The following SOX6 variants were observed in gnomAD, a reference collection of about 807,000 sequenced individuals.
The protein encoded by SOX6 is SRY-box transcription factor 6, also known as transcription factor SOX-6.
Under a neutral mutation model 97.8 loss-of-function variants are expected in SOX6, and 11 were observed. The observed-to-expected ratio is 0.11, with a 90% CI of 0.07 to 0.19. The LOEUF (loss-of-function observed/expected upper bound fraction) is 0.19, where lower values mean the gene tolerates loss of function less well. Ranked by LOEUF, SOX6 falls within the 10% of genes least tolerant of loss-of-function variation. SOX6 has a pLI of 1.00. For missense variants in SOX6, 810 were observed against 1,039.5 expected (o/e 0.78, Z 3.04); for synonymous variants, 360 against 371.4 (o/e 0.97, Z 0.35).
chr11:16,614,306 G>C (rs966411944), intron 3 of SOX6, among the ~76,000 whole-genome samples: 1 of 152,108 alleles, frequency 6.6e-6, no homozygotes, highest in East Asian at 1.9e-4. Flanking sequence ...TCCACCTTCG[G>C]AACAGTAGAC....
chr11:16,388,917 T>C (rs922148356), intron 1 of SOX6, among the ~76,000 whole-genome samples: 7 of 152,222 alleles, frequency 4.6e-5, no homozygotes, highest in African/African-American at 1.7e-4. Context: ...TTGCCAAATT[T>C]GGGAAATTGA....
intron 1 of SOX6, among the ~76,000 whole-genome samples, chr11:16,410,032 A>G (rs1004818337): frequency 5.9e-5 from 9 of 152,036 alleles, no homozygotes; most frequent in African/African-American, 1.9e-4. Context: ...GAATAGGGAG[A>G]TGTTGGTTAA....
At chr11:16,462,378 C>T (rs565789607) in intron 1 of SOX6, among the ~76,000 whole-genome samples, 2 of 152,330 alleles carry the variant, frequency 1.3e-5, no homozygotes, top group Non-Finnish European at 2.9e-5. Context: ...ATATAGGACA[C>T]TTTAAGTTGT....
chr11:15,996,258 C>G (rs745997914), intron 13 of SOX6, among the ~76,000 whole-genome samples: 2 of 152,158 alleles, frequency 1.3e-5, no homozygotes, highest in Admixed American at 6.5e-5. Context: ...TAATATTTTA[C>G]GTGAAGTGGT....
At chr11:16,161,841 C>T (rs1350413544) in intron 6 of SOX6, among the ~76,000 whole-genome samples, 1 of 152,172 alleles carries the variant, frequency 6.6e-6, no homozygotes, top group East Asian at 1.9e-4. Flanking sequence ...ATTCACTGTT[C>T]CAACATACTA....
At chr11:16,139,958 T>C (rs1448474320) in intron 6 of SOX6, among the ~76,000 whole-genome samples, 1 of 148,102 alleles carries the variant, frequency 6.8e-6, no homozygotes, top group African/African-American at 2.5e-5. Context: ...ATATTATATA[T>C]ATATATATAT....
Position 16,461,257 on chromosome 11 carries a change from C to A in SOX6, c.-5+15058G>T, listed in dbSNP as rs567051131. 5.3e-5 allele frequency among the ~76,000 whole-genome samples: 8 copies of A among 152,138 alleles called. No individual in the cohort carries two copies. The South Asian group carries it at 1.7e-3, about 32-fold the overall frequency. ...AGTCTTATTCATCGCTTGTTTAAAT[C>A]TTTTACCTTTTACCTGAAATTTTGC... On this transcript the variant is annotated intron_variant, in intron 1 of 15. Coordinates refer to the SOX6 transcript ENST00000396356.
chr11:16,193,825 A>C (rs966936258), intron 4 of SOX6, among the ~76,000 whole-genome samples: 4 of 152,226 alleles, frequency 2.6e-5, no homozygotes, highest in Non-Finnish European at 5.9e-5. Flanking sequence ...GTTTTAGAAG[A>C]AAGCCAAAAT....
At position 16,583,953 on chromosome 11, in the gene SOX6, T is replaced by G. The variant is rs962107101; in HGVS notation, n.609+28128A>C. Among the ~76,000 whole-genome samples, 10 of 152,114 alleles carry G rather than the reference T, an allele frequency of 6.6e-5. No individual in the cohort carries two copies. The East Asian group carries it at 1.9e-3, about 29-fold the overall frequency. ...TCTTTTTGATTATAGCCATACTAAC[T>G]GGGGCGAGATAATATCACCTTGTGG... On this transcript the variant is annotated intron_variant and non_coding_transcript_variant, in intron 4 of 5. Coordinates refer to the SOX6 transcript ENST00000524520.
At chr11:16,498,848 A>C (rs1221134602) in intron 4 of SOX6, among the ~76,000 whole-genome samples, 2 of 152,208 alleles carry the variant, frequency 1.3e-5, no homozygotes, top group Non-Finnish European at 2.9e-5. Context: ...AGACTCCCAC[A>C]CAATAATAAT....
intron 11 of SOX6, among the ~76,000 whole-genome samples, chr11:16,049,346 A>G (rs1847624429): frequency 6.6e-6 from 1 of 152,084 alleles, no homozygotes; most frequent in African/African-American, 2.4e-5. Flanking sequence ...TTTTAATGCA[A>G]AAGTCATATG....
At chr11:16,008,323 G>T (rs1854617344) in intron 13 of SOX6, among the ~76,000 whole-genome samples, 1 of 152,024 alleles carries the variant, frequency 6.6e-6, no homozygotes, top group Non-Finnish European at 1.5e-5. Flanking sequence ...ATTTCTATGT[G>T]ATTCAGTAAT....
intron 7 of SOX6, among the ~76,000 whole-genome samples, chr11:16,109,568 G>T (rs896949137): frequency 6.6e-6 from 1 of 152,072 alleles, no homozygotes; most frequent in African/African-American, 2.4e-5. Flanking sequence ...TATTGTACTT[G>T]TCCAGTTTCC....
At chr11:16,178,577 C>A (rs1851259183) in intron 6 of SOX6, among the ~76,000 whole-genome samples, 1 of 151,904 alleles carries the variant, frequency 6.6e-6, no homozygotes, top group East Asian at 1.9e-4. Flanking sequence ...AAGCTAGGGG[C>A]TAATCCTAGA....
chr11:16,140,119 TCTC>T (rs1460150816), intron 6 of SOX6, among the ~76,000 whole-genome samples: 2 of 151,944 alleles, frequency 1.3e-5, no homozygotes, highest in African/African-American at 4.8e-5. Flanking sequence ...TACCAACCAA[TCTC>T]CTCATCCTCC....
At chr11:16,529,103 T>TA (rs1310843028) in intron 4 of SOX6, among the ~76,000 whole-genome samples, 1 of 152,126 alleles carries the variant, frequency 6.6e-6, no homozygotes, top group Non-Finnish European at 1.5e-5. Context: ...ACCACAGTTT[T>TA]AATCTATTTG....
At chr11:16,050,134 A>C (rs1309163364) in intron 10 of SOX6, among the ~76,000 whole-genome samples, 196 bp from the exon 11 acceptor site, 1 of 152,130 alleles carries the variant, frequency 6.6e-6, no homozygotes, top group African/African-American at 2.4e-5. Flanking sequence ...TTATGCTTCT[A>C]TTTACATTAA....
chr11:16,312,195 T>C (rs975674992), intron 3 of SOX6: 1 of 152,232 alleles, frequency 6.6e-6, no homozygotes, highest in Non-Finnish European at 1.5e-5. Flanking sequence ...ATTACATTTA[T>C]GGCTCTAACA....
At chr11:16,089,159 G>T (rs1396364182) in intron 9 of SOX6, among the ~76,000 whole-genome samples, 1 of 152,130 alleles carries the variant, frequency 6.6e-6, no homozygotes, top group Non-Finnish European at 1.5e-5. Flanking sequence ...AATATGAAGA[G>T]AGAGGCCTTA....
Sources: gnomAD v4.1 joint callset for allele counts (sites outside exome capture counted in the v4.1 genomes callset) on GRCh38, gnomAD v4.1.1 for gene constraint, MANE v1.5 for transcripts, NCBI Gene and HGNC (gene_info 2026-07-23, HGNC 2026-07-21) for gene names.